PGR: variants seen among roughly 807,000 people sequenced by gnomAD.
PGR encodes the protein progesterone receptor, also known as nuclear receptor subfamily 3 group C member 3.
In PGR, 25 loss-of-function variants were observed where a neutral mutation model predicts 76.1. The observed-to-expected ratio is 0.33, with a 90% CI of 0.24 to 0.46. PGR has a LOEUF of 0.46. Ranked by LOEUF, PGR falls within the 20% of genes least tolerant of loss-of-function variation. The pLI is 1.00. For missense variants in PGR, 1,172 were observed against 1,225.3 expected (o/e 0.96, Z 0.65); for synonymous variants, 579 against 535.0 (o/e 1.08, Z -1.14).
At chr11:101,107,513 T>C (rs1277456889) in intron 2 of PGR, among the ~76,000 whole-genome samples, 2 of 152,136 alleles carry the variant, frequency 1.3e-5, no homozygotes, top group African/African-American at 4.8e-5. Flanking sequence ...ACACATTACA[T>C]GCAAAATTTT....
intron 3 of PGR, among the ~76,000 whole-genome samples, chr11:101,079,632 A>T (rs1237167666): frequency 2.0e-5 from 3 of 152,208 alleles, no homozygotes; most frequent in African/African-American, 7.2e-5. Context: ...GAGGATATGG[A>T]GAAAGAGAAA....
At chr11:101,072,221 C>T (rs1860963224) in intron 3 of PGR, among the ~76,000 whole-genome samples, 1 of 152,090 alleles carries the variant, frequency 6.6e-6, no homozygotes, top group South Asian at 2.1e-4. Flanking sequence ...CATATCCAGC[C>T]AAACTAAGCT....
chr11:101,061,478 A>C (rs1860495525), intron 4 of PGR, among the ~76,000 whole-genome samples: 1 of 152,188 alleles, frequency 6.6e-6, no homozygotes, highest in Non-Finnish European at 1.5e-5. Context: ...CCTTTTAGGT[A>C]GAATAATAAC....
intron 2 of PGR, among the ~76,000 whole-genome samples, chr11:101,123,584 G>A (rs1338051755): frequency 6.6e-6 from 1 of 152,152 alleles, no homozygotes; most frequent in Non-Finnish European, 1.5e-5. Context: ...CTTAGTCAGT[G>A]TAATCTTAAT....
intron 2 of PGR, among the ~76,000 whole-genome samples, chr11:101,121,927 G>A (rs1252245811): frequency 6.6e-6 from 1 of 152,158 alleles, no homozygotes; most frequent in Non-Finnish European, 1.5e-5. Flanking sequence ...AGCACTTTGG[G>A]AGGCCGAGGC....
Position 101,088,211 on chromosome 11 carries a change from CA to C in PGR, c.1906+3548del, listed in dbSNP as rs1273658345. 3.9e-4 allele frequency among the ~76,000 whole-genome samples: 59 copies of C among 151,788 alleles called. 1 individual carries two copies. Among genetic ancestry groups the C allele is most frequent in the Admixed American group, 3.8e-3 (58 of 15,244 alleles). On this transcript the variant is annotated intron_variant, in intron 3 of 7. Transcript: ENST00000325455. ...AGACTCTGTCTCAAAAAAGAAAACT[CA>C]AAAAACTCAAAACCTAATAGATGCT...
chr11:101,128,825 G>A lies in PGR; in HGVS notation c.246C>T (p.Asp82=), dbSNP rs748584183. Residue 82 remains aspartate, a synonymous_variant, in exon 1 of 8, where the codon GAC becomes GAT. Transcript: ENST00000325455. The part of the protein sequence containing the change: ...EKTQDQQSLS[D]VEGAYSRAEA... ...CAGCTCTGGAATATGCGCCCTCCAC[G>A]TCCGACAGCGACTGCTGGTCCTGCG... 6.2e-7 allele frequency: 1 copy of A among 1,614,160 alleles called. No individual in the cohort carries two copies. The highest frequency in any genetic ancestry group is 8.5e-7 in the Non-Finnish European group (1 of 1,180,036).
intron 2 of PGR, among the ~76,000 whole-genome samples, chr11:101,121,579 A>C (rs2135502687): frequency 6.6e-6 from 1 of 152,328 alleles, no homozygotes; most frequent in South Asian, 2.1e-4. Flanking sequence ...TGTGATGTCT[A>C]GGTCTGAAAA....
chr11:101,106,034 C>G (rs1862150975), intron 2 of PGR, among the ~76,000 whole-genome samples: 2 of 152,168 alleles, frequency 1.3e-5, no homozygotes, highest in South Asian at 4.1e-4. Context: ...AAGCAGAAAA[C>G]TGAAACTGGA....
Position 101,062,719 on chromosome 11 carries a change from A to G in PGR, c.1940T>C (p.Val647Ala). 1 of 1,613,134 alleles carries G rather than the reference A, an allele frequency of 6.2e-7. No individual in the cohort carries two copies. Among genetic ancestry groups the G allele is most frequent in the South Asian group, 1.1e-5 (1 of 90,904 alleles). Residue 647 changes from valine to alanine, a missense_variant, in exon 4 of 8, where the codon GTT becomes GCT. Val to Ala is a moderately conservative substitution (Grantham distance 64). Coordinates refer to ENST00000325455, the MANE Select transcript of PGR (RefSeq NM_000926.4). The stretch of plus-strand genomic sequence containing the variant: ...AGCAACAGCATCCAGTGCTCTCACA[A>G]CTCTGACTTTATTGAACTTTTTAAA... The part of the protein sequence containing the change: ...RKFKKFNKVR[V>A]VRALDAVALP...
chr11:101,083,456 C>T (rs564550784), intron 3 of PGR, among the ~76,000 whole-genome samples: 56 of 152,286 alleles, frequency 3.7e-4, no homozygotes, highest in Non-Finnish European at 6.2e-4. Context: ...ACCTCAGAAT[C>T]GTAGATCCAT....
At chr11:101,073,759 C>T (rs771661827) in intron 3 of PGR, among the ~76,000 whole-genome samples, 33 of 152,138 alleles carry the variant, frequency 2.2e-4, no homozygotes, top group Non-Finnish European at 4.3e-4. Context: ...TGGACACATA[C>T]ACCCTCCCAA....
intron 6 of PGR, among the ~76,000 whole-genome samples, chr11:101,046,731 T>G (rs1327117974): frequency 6.6e-6 from 1 of 152,108 alleles, no homozygotes; most frequent in Non-Finnish European, 1.5e-5. Context: ...GAGCTACATA[T>G]CCAAACAGTT....
At chr11:101,049,394 GTTT>G (rs148317877) in intron 6 of PGR, among the ~76,000 whole-genome samples, 1 of 152,072 alleles carries the variant, frequency 6.6e-6, no homozygotes, top group Non-Finnish European at 1.5e-5. Context: ...ACCAGTAAGA[GTTT>G]TTTATTATCT....
At chr11:101,122,397 T>A (rs978943607) in intron 2 of PGR, among the ~76,000 whole-genome samples, 2 of 152,210 alleles carry the variant, frequency 1.3e-5, no homozygotes, top group African/African-American at 4.8e-5. Flanking sequence ...GCCTAGTATA[T>A]TCCTAGCACT....
chr11:101,032,594 C>A lies in PGR; in HGVS notation c.*6522G>T. Reference sequence around the variant, plus strand: ...TGTTTGGAATACTCTTCTCTTCTTGCCTTTGGCATCTCCTCACCACGCACG... The same window carrying A: ...TGTTTGGAATACTCTTCTCTTCTTGACTTTGGCATCTCCTCACCACGCACG... On this transcript the variant is annotated 3_prime_UTR_variant, in exon 8 of 8. Transcript: ENST00000325455. The A allele has an allele frequency of 4.4e-6, 1 of 229,276 alleles. No individual in the cohort carries two copies. The highest frequency in any genetic ancestry group is 8.7e-6 in the Non-Finnish European group (1 of 115,560). 14.2% of individuals were successfully genotyped at this position (229,276 alleles called of 1,614,324 possible). A position where few individuals can be genotyped will look rare whatever the true frequency, so the allele number is the denominator to read the frequency against.
At chr11:101,068,226 A>G (rs572874556) in intron 3 of PGR, among the ~76,000 whole-genome samples, 7 of 152,276 alleles carry the variant, frequency 4.6e-5, no homozygotes, top group Admixed American at 2.6e-4. Flanking sequence ...ATACACCAAT[A>G]ATAGACAAAC....
intron 3 of PGR, among the ~76,000 whole-genome samples, chr11:101,070,202 T>G (rs1406646519): frequency 3.4e-4 from 51 of 152,086 alleles, no homozygotes; most frequent in Admixed American, 3.3e-3. Flanking sequence ...GGCATTGCCT[T>G]ACCCGGGAAG....
chr11:101,108,200 G>T (rs1386489351), intron 2 of PGR, among the ~76,000 whole-genome samples: 1 of 149,074 alleles, frequency 6.7e-6, no homozygotes, highest in Non-Finnish European at 1.5e-5. Flanking sequence ...GTTGCAGTGA[G>T]CAGAGATTGT....
Sources: gnomAD v4.1 joint callset for allele counts (sites outside exome capture counted in the v4.1 genomes callset) on GRCh38, gnomAD v4.1.1 for gene constraint, MANE v1.5 for transcripts, NCBI Gene and HGNC (gene_info 2026-07-23, HGNC 2026-07-21) for gene names.